The following POLI variants were observed in gnomAD, a reference collection of about 807,000 sequenced individuals.
The protein encoded by POLI is RAD30 homolog B.
In POLI, 58 loss-of-function variants were observed where a neutral mutation model predicts 51.6. The observed-to-expected ratio is 1.12, with a 90% CI of 0.91 to 1.40. POLI has a LOEUF of 1.40. Ranked by LOEUF, POLI falls within the 40% of genes most tolerant of loss-of-function variation. The probability of loss-of-function intolerance (pLI) is 0.00; values close to 1 mark genes in which losing one functional copy is unlikely to be tolerated. For synonymous variants in POLI, 322 were observed against 299.7 expected, an observed-to-expected ratio of 1.07 and a Z score of -0.77; for missense variants, 921 against 871.3, an observed-to-expected ratio of 1.06 and a Z score of -0.72.
intron 3 of POLI, among the ~76,000 whole-genome samples, chr18:54,305,695 T>C (rs1455312542): frequency 1.3e-5 from 2 of 151,408 alleles, no homozygotes; most frequent in African/African-American, 4.8e-5. Flanking sequence ...TACAATCATG[T>C]CATCTGCAAA....
At chr18:54,270,789 A>G (rs2086971265) in intron 1 of POLI, 1 of 152,208 alleles carries the variant, frequency 6.6e-6, no homozygotes, top group South Asian at 2.1e-4. Context: ...CTTTCAATTT[A>G]GTGAATATTT....
chr18:54,272,236 C>T (rs483640), intron 2 of POLI: 117,157 of 152,142 alleles, frequency 0.77, 45,928 homozygotes, highest in African/African-American at 0.93. Context: ...GTTTTTGCTA[C>T]GCCAAGGTGA....
chr18:54,283,229 T>C (rs1198837800), intron 6 of POLI, among the ~76,000 whole-genome samples: 2 of 152,144 alleles, frequency 1.3e-5, no homozygotes, highest in Non-Finnish European at 2.9e-5. Flanking sequence ...AGTTAGCTAC[T>C]ATGATTGAAG....
chr18:54,274,967 G>A (rs901574095), intron 3 of POLI: 3 of 152,174 alleles, frequency 2.0e-5, no homozygotes, highest in African/African-American at 7.2e-5. Context: ...GCCTAACCCA[G>A]TGTCTAACAA....
chr18:54,320,086 C>T (rs553735839), intron 3 of POLI, among the ~76,000 whole-genome samples: 1 of 152,286 alleles, frequency 6.6e-6, no homozygotes, highest in South Asian at 2.1e-4. Context: ...AGTATAACTA[C>T]ATCTTTAATT....
At chr18:54,288,450 TC>T (rs1199567241) in intron 8 of POLI, among the ~76,000 whole-genome samples, 1 of 152,200 alleles carries the variant, frequency 6.6e-6, no homozygotes, top group African/African-American at 2.4e-5. Context: ...ATCCAGTTGT[TC>T]CTGCATCATT....
chr18:54,294,902 A>G lies in POLI; in HGVS notation c.*435A>G, dbSNP rs137879366. 6.8e-5 allele frequency: 67 copies of G among 979,486 alleles called. No individual in the cohort carries two copies. In the East Asian group the frequency reaches 5.2e-3, roughly 77 times the overall value. 60.7% of individuals were successfully genotyped at this position (979,486 alleles called of 1,614,324 possible). ...AGCAAATCCTACTGCCAACTAACCT[A>G]TTAAAAATATAGATAGTTTTGACTA... On this transcript the variant is annotated 3_prime_UTR_variant, in exon 10 of 10. Coordinates refer to ENST00000579534, the MANE Select transcript of POLI (RefSeq NM_007195.3).
At chr18:54,281,235 A>G (rs1443356024) in intron 5 of POLI, among the ~76,000 whole-genome samples, 1 of 152,126 alleles carries the variant, frequency 6.6e-6, no homozygotes, top group Non-Finnish European at 1.5e-5. Context: ...CATTGCCTCT[A>G]GAGAGGGGAG....
chr18:54,288,937 T>C (rs620495), intron 8 of POLI, among the ~76,000 whole-genome samples: 116,901 of 151,928 alleles, frequency 0.77, 45,791 homozygotes, highest in African/African-American at 0.93. Context: ...TTTGCTAAGT[T>C]CACCTCAAAG....
chr18:54,283,090 C>A, intron 6 of POLI, 75 bp downstream of exon 6: 2 of 916,472 alleles, frequency 2.2e-6, no homozygotes, highest in Non-Finnish European at 3.2e-6. Context: ...GTTTTAGTAC[C>A]ATGTTCTTAC....
Position 54,314,160 on chromosome 18 carries a change from G to A in POLI, c.334-6113G>A, listed in dbSNP as rs150405494. Among the ~76,000 whole-genome samples the A allele has an allele frequency of 1.3e-3, 204 of 152,190 alleles. 2 individuals carry two copies. Among genetic ancestry groups the A allele is most frequent in the African/African-American group, 4.8e-3 (200 of 41,540 alleles). ...TTTGTTGAGGGCTTTTATCATGAGGGGATGTTGAATTTTGTCAAAAGCCTC... is the reference window on the plus strand; with the variant it reads ...TTTGTTGAGGGCTTTTATCATGAGGAGATGTTGAATTTTGTCAAAAGCCTC... On this transcript the variant is annotated intron_variant, in intron 3 of 4. Coordinates refer to the POLI transcript ENST00000579823.
At chr18:54,314,750 A>G (rs2088709925) in intron 3 of POLI, among the ~76,000 whole-genome samples, 1 of 152,108 alleles carries the variant, frequency 6.6e-6, no homozygotes, top group African/African-American at 2.4e-5. Context: ...GTTTGTGTGC[A>G]TAGAGGTGTT....
At chr18:54,302,987 T>G (rs1021822111), downstream of POLI, among the ~76,000 whole-genome samples, 1 of 152,248 alleles carries the variant, frequency 6.6e-6, no homozygotes, top group Non-Finnish European at 1.5e-5. Context: ...CAAGTCCCAT[T>G]AGCATCACAT....
chr18:54,281,353 T>C (rs2087493795), intron 5 of POLI, among the ~76,000 whole-genome samples: 1 of 152,202 alleles, frequency 6.6e-6, no homozygotes, highest in African/African-American at 2.4e-5. Flanking sequence ...AGGAAACTGA[T>C]TTCCATGAGG....
At chr18:54,270,153 C>A in intron 1 of POLI, 1 of 406,408 alleles carries the variant, frequency 2.5e-6, no homozygotes, top group Non-Finnish European at 3.3e-6. Context: ...TTGTACCGCC[C>A]ACCTCAGGGC....
Position 54,284,022 on chromosome 18 carries a change from CA to C in POLI, c.1067+11del. On this transcript the variant is annotated intron_variant, in intron 7 of 9. Transcript: ENST00000579534. ...GCTAGTCTTTTAAACAGGTGATTTT[CA>C]ATCCATTTTGCCAAGTCATCCTATG... 8.2e-7 allele frequency: 1 copy of C among 1,213,686 alleles called. No individual in the cohort carries two copies. Among genetic ancestry groups the C allele is most frequent in the Non-Finnish European group, 1.2e-6 (1 of 841,400 alleles). 75.2% of individuals were successfully genotyped at this position (1,213,686 alleles called of 1,614,324 possible).
chr18:54,284,453 C>T (rs980627777), intron 7 of POLI, among the ~76,000 whole-genome samples: 6 of 152,082 alleles, frequency 3.9e-5, no homozygotes, highest in African/African-American at 7.2e-5. Flanking sequence ...AATACAAAAC[C>T]CGTGAAATTA....
intron 2 of POLI, 135 bp downstream of exon 2, chr18:54,271,620 A>C (rs2087005691): frequency 1.7e-6 from 1 of 578,524 alleles, no homozygotes; most frequent in Non-Finnish European, 2.9e-6. Flanking sequence ...ATAGCTGGTC[A>C]TTTTTGCTTC....
chr18:54,273,590 C>T (rs948263062), intron 2 of POLI, among the ~76,000 whole-genome samples: 21 of 151,866 alleles, frequency 1.4e-4, no homozygotes, highest in Non-Finnish European at 2.4e-4. Context: ...ATTGATCTAT[C>T]GTCTAACTTT....
Sources: allele counts gnomAD v4.1 joint callset (sites outside exome capture counted in the v4.1 genomes callset), GRCh38; gene constraint gnomAD v4.1.1; transcripts MANE v1.5; gene names NCBI Gene and HGNC (gene_info 2026-07-23, HGNC 2026-07-21).